Variants in ATP10B observed in about 807,000 individuals in gnomAD.
ATP10B encodes ATPase phospholipid transporting 10B (putative).
In ATP10B, 122 loss-of-function variants were observed where a neutral mutation model predicts 141.2. The ratio of observed to expected loss-of-function variants is 0.86; its 90% CI spans 0.75 to 1.00. The LOEUF (loss-of-function observed/expected upper bound fraction) is 1.00, where lower values mean the gene tolerates loss of function less well. ATP10B is among the 50% of genes least tolerant of loss of function. The probability of loss-of-function intolerance (pLI) is 0.00; values close to 1 mark genes in which losing one functional copy is unlikely to be tolerated. For missense variants in ATP10B, 1,876 were observed against 1,825.3 expected (o/e 1.03, Z -0.51); for synonymous variants, 685 against 692.0 (o/e 0.99, Z 0.16).
chr5:160,635,561 A>G (rs1045775500), intron 11 of ATP10B, among the ~76,000 whole-genome samples: 16 of 152,210 alleles, frequency 1.1e-4, no homozygotes, highest in Non-Finnish European at 2.2e-4. Context: ...AGGGCAATGA[A>G]ACATCCTCCA....
chr5:160,625,397 A>AT (rs774440120), intron 13 of ATP10B, among the ~76,000 whole-genome samples: 328 of 152,258 alleles, frequency 2.2e-3, no homozygotes, highest in Non-Finnish European at 2.7e-3. Context: ...GGAAAATTTC[A>AT]TTTTTTCAGA....
At chr5:160,787,234 T>C (rs527888708) in intron 1 of ATP10B, among the ~76,000 whole-genome samples, 39 of 152,184 alleles carry the variant, frequency 2.6e-4, no homozygotes, top group Admixed American at 5.2e-4. Context: ...TCCAAAAGGC[T>C]GTCAACATTA....
chr5:160,569,491 C>A lies in ATP10B; in HGVS notation c.3938+5G>T. ...AGGAAAGAAACACAGCCCTAGTGCTCAAACCTTGGGAGAAGAGCAACAACT... is the reference window on the plus strand; with the variant it reads ...AGGAAAGAAACACAGCCCTAGTGCTAAAACCTTGGGAGAAGAGCAACAACT... On this transcript the variant is annotated splice_donor_5th_base_variant and intron_variant, in intron 25 of 25. Coordinates refer to ENST00000327245, the MANE Select transcript of ATP10B (RefSeq NM_025153.3). 6.2e-7 allele frequency: 1 copy of A among 1,613,614 alleles called. No individual in the cohort carries two copies. The highest frequency in any genetic ancestry group is 8.5e-7 in the Non-Finnish European group (1 of 1,179,728).
At chr5:160,743,390 G>C (rs758812518) in intron 2 of ATP10B, among the ~76,000 whole-genome samples, 13 of 152,222 alleles carry the variant, frequency 8.5e-5, no homozygotes, top group Non-Finnish European at 1.8e-4. Context: ...CTCTTGAGAA[G>C]AGAAAACCTG....
chr5:160,928,681 T>G, the ATP10B span, among the ~76,000 whole-genome samples: 4 of 152,210 alleles, frequency 2.6e-5, no homozygotes, highest in African/African-American at 7.2e-5. Flanking sequence ...CTCACCATTA[T>G]GATTTTTATT....
At chr5:160,832,933 G>A (rs748201811) in intron 1 of ATP10B, among the ~76,000 whole-genome samples, 2 of 152,106 alleles carry the variant, frequency 1.3e-5, no homozygotes, top group Non-Finnish European at 2.9e-5. Flanking sequence ...CTAGCCCAAA[G>A]TAAGTCTGCA....
At chr5:160,899,327 A>G in the ATP10B span, among the ~76,000 whole-genome samples, 2 of 152,118 alleles carry the variant, frequency 1.3e-5, no homozygotes, top group Admixed American at 1.3e-4. Context: ...AAATTTTCTA[A>G]TATTTATTAA....
chr5:160,891,694 TC>T, the ATP10B span, among the ~76,000 whole-genome samples: 4 of 152,156 alleles, frequency 2.6e-5, no homozygotes, highest in Admixed American at 2.6e-4. Context: ...TGCCTCAGCC[TC>T]CCAAAGTGCT....
At chr5:160,755,866 TATATATATATATTATA>T (rs1411396085) in intron 2 of ATP10B, among the ~76,000 whole-genome samples, 1 of 110,548 alleles carries the variant, frequency 9.0e-6, no homozygotes, top group African/African-American at 4.3e-5. Context: ...TATATATATA[TATATATATATATTATA>T]ATTTTATGGA....
chr5:160,793,811 G>A (rs1310795781), intron 1 of ATP10B, among the ~76,000 whole-genome samples: 2 of 152,130 alleles, frequency 1.3e-5, no homozygotes, highest in Non-Finnish European at 2.9e-5. Flanking sequence ...CATTAAAAAT[G>A]TTTTTTCATA....
chr5:160,874,965 ATAT>A, the ATP10B span, among the ~76,000 whole-genome samples: 1 of 129,884 alleles, frequency 7.7e-6, no homozygotes, highest in Non-Finnish European at 1.6e-5. Flanking sequence ...ACTCTGCAGG[ATAT>A]TATCCAGGAG....
At chr5:160,651,077 T>C (rs1442367338) in intron 7 of ATP10B, among the ~76,000 whole-genome samples, 1 of 152,226 alleles carries the variant, frequency 6.6e-6, no homozygotes, top group Non-Finnish European at 1.5e-5. Context: ...CCAGACACTG[T>C]AATAAGAACT....
intron 7 of ATP10B, among the ~76,000 whole-genome samples, chr5:160,663,180 C>T (rs934011695): frequency 6.6e-6 from 1 of 152,162 alleles, no homozygotes; most frequent in Non-Finnish European, 1.5e-5. Flanking sequence ...AACACTTTTA[C>T]ACTGTTGGTG....
rs185258356 is a variant in ATP10B, at chr5:160,570,462, C to T, written c.3751-779G>A. Among the ~76,000 whole-genome samples, 13 of 152,232 alleles carry T rather than the reference C, an allele frequency of 8.5e-5. No homozygotes were observed. The East Asian group carries it at 2.5e-3, about 29-fold the overall frequency. ...TAAGTCTAAACAAGCAAATATACTG[C>T]AGTCTAAACAAGCAAATGTACTGCA... On this transcript the variant is annotated intron_variant, in intron 24 of 25. Coordinates refer to ENST00000327245, the MANE Select transcript of ATP10B (RefSeq NM_025153.3).
At chr5:160,929,285 T>C in the ATP10B span, among the ~76,000 whole-genome samples, 115 of 152,300 alleles carry the variant, frequency 7.6e-4, no homozygotes, top group African/African-American at 2.7e-3. Flanking sequence ...TGGGTGTTTT[T>C]TTTCTGGTGG....
intron 1 of ATP10B, among the ~76,000 whole-genome samples, chr5:160,795,237 T>C (rs1335460152): frequency 6.6e-6 from 1 of 152,192 alleles, no homozygotes; most frequent in Non-Finnish European, 1.5e-5. Context: ...GATATCTCAA[T>C]TGCAAAATAT....
chr5:160,571,734 G>C (rs1243044256), intron 24 of ATP10B, among the ~76,000 whole-genome samples: 1 of 152,134 alleles, frequency 6.6e-6, no homozygotes, highest in Non-Finnish European at 1.5e-5. Flanking sequence ...CTAATCTTGA[G>C]GTACTTTAAG....
At chr5:160,572,726 A>G (rs1040521969) in intron 24 of ATP10B, among the ~76,000 whole-genome samples, 3 of 152,228 alleles carry the variant, frequency 2.0e-5, no homozygotes, top group South Asian at 2.1e-4. Context: ...CATAGAGAGG[A>G]GAATTCCTTT....
intron 2 of ATP10B, among the ~76,000 whole-genome samples, chr5:160,745,446 A>G (rs888395644): frequency 3.3e-5 from 5 of 152,204 alleles, no homozygotes; most frequent in South Asian, 4.1e-4. Flanking sequence ...GGACCATCCT[A>G]TCTCTTCTTT....
Sources: allele counts gnomAD v4.1 joint callset (sites outside exome capture counted in the v4.1 genomes callset), GRCh38; gene constraint gnomAD v4.1.1; transcripts MANE v1.5; gene names NCBI Gene and HGNC (gene_info 2026-07-23, HGNC 2026-07-21).